Variants in DAG1 observed in about 807,000 individuals in gnomAD.
DAG1 encodes the protein dystroglycan 1 (dystrophin-associated glycoprotein 1).
DAG1 carries 8 observed loss-of-function variants against 46.1 expected under a neutral mutation model. That is an observed-to-expected ratio of 0.17 (90% confidence interval 0.10 to 0.31). The LOEUF (loss-of-function observed/expected upper bound fraction) is 0.31. Ranked by LOEUF, DAG1 falls within the 10% of genes least tolerant of loss-of-function variation. The pLI is 1.00. For synonymous variants in DAG1, 495 were observed against 481.8 expected (o/e 1.03, Z -0.36); for missense variants, 1,003 against 1,189.9 (o/e 0.84, Z 2.31).
intron 1 of DAG1, among the ~76,000 whole-genome samples, chr3:49,482,682 A>G (rs769685249): frequency 2.0e-5 from 3 of 152,110 alleles, no homozygotes; most frequent in Non-Finnish European, 2.9e-5. Flanking sequence ...ATATTACACC[A>G]TTTTATATAA....
chr3:49,484,034 G>C (rs978132067), intron 1 of DAG1, among the ~76,000 whole-genome samples: 3 of 152,168 alleles, frequency 2.0e-5, no homozygotes, highest in Non-Finnish European at 4.4e-5. Context: ...GGTAGGAAGA[G>C]AGTAGAAGAG....
intron 1 of DAG1, among the ~76,000 whole-genome samples, chr3:49,501,359 G>C: frequency 6.6e-6 from 1 of 152,194 alleles, no homozygotes; most frequent in East Asian, 1.9e-4. Flanking sequence ...CTGAAAAAAA[G>C]GTCCTGTGTC....
chr3:49,496,147 A>G (rs557647816), intron 1 of DAG1, among the ~76,000 whole-genome samples: 1 of 152,128 alleles, frequency 6.6e-6, no homozygotes, highest in South Asian at 2.1e-4. Flanking sequence ...AATGTTTTCT[A>G]AAATATTGTG....
At chr3:49,479,274 A>G (rs1166266579) in intron 1 of DAG1, among the ~76,000 whole-genome samples, 2 of 150,996 alleles carry the variant, frequency 1.3e-5, no homozygotes, top group African/African-American at 4.9e-5. Context: ...TCCTCCAGAG[A>G]TGGCCCTTGG....
At chr3:49,481,734 C>G (rs1458179875) in intron 1 of DAG1, among the ~76,000 whole-genome samples, 3 of 152,182 alleles carry the variant, frequency 2.0e-5, no homozygotes, top group African/African-American at 2.4e-5. Flanking sequence ...TTCAGGGAAA[C>G]AGTAGCCAGT....
chr3:49,517,696 G>T (rs1489012275), intron 2 of DAG1, among the ~76,000 whole-genome samples: 1 of 152,242 alleles, frequency 6.6e-6, no homozygotes. Flanking sequence ...GGCCAACCTT[G>T]ATGAAAGTGA....
chr3:49,513,354 G>C (rs980084382), intron 2 of DAG1, among the ~76,000 whole-genome samples: 1 of 152,112 alleles, frequency 6.6e-6, no homozygotes, highest in Non-Finnish European at 1.5e-5. Context: ...AAATAGGAAA[G>C]GAAGCTGCCC....
intron 2 of DAG1, among the ~76,000 whole-genome samples, chr3:49,522,107 G>A (rs1250785597): frequency 7.2e-5 from 11 of 151,888 alleles, no homozygotes; most frequent in African/African-American, 2.7e-4. Context: ...TCGGCTCACT[G>A]CAACTTCCGC....
Position 49,531,959 on chromosome 3 carries a change from C to T in DAG1, c.1448C>T (p.Thr483Ile), listed in dbSNP as rs2051362560. 9 of 1,614,236 alleles carry T rather than the reference C, an allele frequency of 5.6e-6. No homozygotes were observed. Among genetic ancestry groups the T allele is most frequent in the South Asian group, 1.1e-5 (1 of 91,086 alleles). ...TASPPTRIRT[T>I]TSGVPRGGEP... ...TCACCGCCTACTCGTATTCGCACCA[C>T]CACCAGTGGAGTGCCCCGTGGCGGA... is the stretch of plus-strand genomic sequence containing the variant. The change falls in exon 3 of 3, where the codon ACC (threonine) becomes ATC (isoleucine). Residue 483 changes from threonine to isoleucine, a missense_variant. Around this residue, in one of 3 missense-constraint regions of DAG1, gnomAD observed 755 missense variants for 854.1 expected, o/e 0.88. Transcript: ENST00000308775. The surrounding 1 kb of genome is among the most constrained non-coding windows in gnomAD (Gnocchi z 7.0).
At chr3:49,480,115 ATTTT>A (rs34246427) in intron 1 of DAG1, among the ~76,000 whole-genome samples, 2 of 108,750 alleles carry the variant, frequency 1.8e-5, no homozygotes, top group Non-Finnish European at 1.8e-5. Flanking sequence ...ACACCCGGCT[ATTTT>A]TTTTTTTTTT....
intron 1 of DAG1, among the ~76,000 whole-genome samples, chr3:49,480,057 C>A (rs558844209): frequency 6.8e-6 from 1 of 146,948 alleles, no homozygotes; most frequent in South Asian, 2.1e-4. Context: ...TCAATCGATT[C>A]TCCCGCCTCA....
At chr3:49,480,344 C>T (rs1266806744) in intron 1 of DAG1, among the ~76,000 whole-genome samples, 1 of 147,194 alleles carries the variant, frequency 6.8e-6, no homozygotes, top group African/African-American at 2.5e-5. Flanking sequence ...GGCGCGATCT[C>T]GGCTCACTGC....
At chr3:49,487,729 G>T (rs6446280) in intron 1 of DAG1, among the ~76,000 whole-genome samples, 137,589 of 140,842 alleles carry the variant, frequency 0.98, 67,303 homozygotes, top group Middle Eastern at 1. Context: ...AGATGGGATC[G>T]TGCTCTGTCA....
rs1575412738 is a variant in DAG1, at chr3:49,532,223, G to A, written c.1712G>A (p.Gly571Asp). 7 of 1,614,028 alleles carry A rather than the reference G, an allele frequency of 4.3e-6. No homozygotes were observed. Among genetic ancestry groups the A allele is most frequent in the Non-Finnish European group, 5.9e-6 (7 of 1,179,872 alleles). Residue 571 changes from glycine to aspartate, a missense_variant, in exon 3 of 3, where the codon GGC (glycine) becomes GAC (aspartate). This residue lies in a region of DAG1 where 755 missense variants were observed against 854.1 expected (regional missense o/e 0.88). Coordinates refer to ENST00000308775, the MANE Select transcript of DAG1 (RefSeq NM_004393.6). The surrounding 1 kb of genome is among the most constrained non-coding windows in gnomAD (Gnocchi z 5.4). ...GGCCTTCCCGACAGCAGCCACGTGGGCAAACACGAGTATTTCATGCATGCC... is the reference window on the plus strand; with the variant it reads ...GGCCTTCCCGACAGCAGCCACGTGGACAAACACGAGTATTTCATGCATGCC... ...MYGLPDSSHV[G>D]KHEYFMHATD... is the part of the protein sequence containing the mutation.
intron 1 of DAG1, 107 bp from the exon 2 acceptor site, chr3:49,510,312 T>A: frequency 1.6e-6 from 1 of 606,292 alleles, no homozygotes; most frequent in Non-Finnish European, 2.9e-6. Flanking sequence ...GGTAAGAGGC[T>A]TGATCCAACT....
intron 1 of DAG1, among the ~76,000 whole-genome samples, chr3:49,500,600 G>A (rs1410569533): frequency 6.6e-6 from 1 of 152,188 alleles, no homozygotes; most frequent in Non-Finnish European, 1.5e-5. Flanking sequence ...GTCAGCCAGT[G>A]GTGAATCCAG....
chr3:49,530,641 T>C (rs956378320), intron 2 of DAG1, among the ~76,000 whole-genome samples, 156 bp from the exon 3 acceptor site: 2 of 152,090 alleles, frequency 1.3e-5, no homozygotes, highest in East Asian at 3.9e-4. Flanking sequence ...GTAAATAAAC[T>C]CAGTTGTGTC....
intron 2 of DAG1, among the ~76,000 whole-genome samples, chr3:49,518,473 T>G (rs930718840): frequency 6.6e-6 from 1 of 152,224 alleles, no homozygotes; most frequent in Non-Finnish European, 1.5e-5. Flanking sequence ...TCTGTTGATA[T>G]ACCCAACAAA....
intron 2 of DAG1, among the ~76,000 whole-genome samples, chr3:49,527,059 G>T (rs2051191663): frequency 6.6e-6 from 1 of 152,206 alleles, no homozygotes; most frequent in South Asian, 2.1e-4. Flanking sequence ...AGGCTGGGAA[G>T]CCTTGAGAAG....
Sources: gnomAD v4.1 joint callset for allele counts (sites outside exome capture counted in the v4.1 genomes callset) on GRCh38, gnomAD v4.1.1 for gene constraint, gnomAD v4.1.1 regional missense constraint, Gnocchi (gnomAD v3.1) non-coding constraint, MANE v1.5 for transcripts, NCBI Gene and HGNC (gene_info 2026-07-23, HGNC 2026-07-21) for gene names.